Variants in ZNF678 observed in about 807,000 individuals in gnomAD.
ZNF678 encodes the protein hypothetical protein MGC42493.
In ZNF678, 5 loss-of-function variants were observed where a neutral mutation model predicts 3.0. The ratio of observed to expected loss-of-function variants is 1.69; its 90% CI spans 0.88 to 3.56. The LOEUF is 3.56. Ranked by LOEUF, ZNF678 falls within the 30% of genes most tolerant of loss-of-function variation. The pLI is 0.00. For missense variants in ZNF678, 593 were observed against 605.0 expected (o/e 0.98, Z 0.21); for synonymous variants, 218 against 199.6 (o/e 1.09, Z -0.78).
At chr1:227,646,241 T>C (rs1419900837) in intron 1 of ZNF678, among the ~76,000 whole-genome samples, 1 of 152,236 alleles carries the variant, frequency 6.6e-6, no homozygotes, top group African/African-American at 2.4e-5. Context: ...TCTGAGAAAT[T>C]TATCCAGCTT....
intron 1 of ZNF678, among the ~76,000 whole-genome samples, chr1:227,632,658 G>C (rs961245704): frequency 2.6e-5 from 4 of 152,138 alleles, no homozygotes; most frequent in African/African-American, 9.7e-5. Flanking sequence ...TCTTGAGTCT[G>C]GCAGCCACGC....
chr1:227,605,224 T>C (rs994429732), intron 1 of ZNF678, among the ~76,000 whole-genome samples: 1 of 152,204 alleles, frequency 6.6e-6, no homozygotes, highest in African/African-American at 2.4e-5. Flanking sequence ...ATGATATAGT[T>C]TTCTTTGTTG....
intron 1 of ZNF678, among the ~76,000 whole-genome samples, chr1:227,612,207 A>C (rs967597896): frequency 6.6e-6 from 1 of 152,112 alleles, no homozygotes; most frequent in African/African-American, 2.4e-5. Context: ...CAGAAAAAGG[A>C]CCACTCAGTA....
chr1:227,574,628 A>C (rs1171434544), intron 1 of ZNF678, among the ~76,000 whole-genome samples: 1 of 151,840 alleles, frequency 6.6e-6, no homozygotes, highest in South Asian at 2.1e-4. Context: ...TCCTCTGTTG[A>C]TATTTTTCTT....
intron 1 of ZNF678, among the ~76,000 whole-genome samples, chr1:227,572,345 A>G (rs1656868843): frequency 6.6e-6 from 1 of 152,208 alleles, no homozygotes; most frequent in Non-Finnish European, 1.5e-5. Flanking sequence ...GGCTGCCTTC[A>G]TGGTCTCAAA....
chr1:227,662,591 C>T (rs984125372), downstream of ZNF678: 1 of 152,006 alleles, frequency 6.6e-6, no homozygotes, highest in African/African-American at 2.4e-5. Flanking sequence ...AAGAGAAACC[C>T]CAAATAAGTA....
At chr1:227,625,333 TCTAA>T (rs1335846733) in intron 1 of ZNF678, among the ~76,000 whole-genome samples, 1 of 152,090 alleles carries the variant, frequency 6.6e-6, no homozygotes, top group African/African-American at 2.4e-5. Flanking sequence ...CGACGATCGC[TCTAA>T]CTGCTTCCTG....
rs1368335970 is a variant in ZNF678 at position 227,661,141 on chromosome 1, TTG to T, written c.*5315_*5316del. The T allele has an allele frequency of 6.6e-6, 1 of 152,220 alleles. No homozygotes were observed. Among genetic ancestry groups the T allele is most frequent in the Non-Finnish European group, 1.5e-5 (1 of 68,036 alleles). 9.4% of individuals were successfully genotyped at this position (152,220 alleles called of 1,614,324 possible). ...TGAGGCCCAGAAACTTTCAACTGCT[TTG>T]TTCGTTGAATAATGCCAAGTGTCTG... On this transcript the variant is annotated 3_prime_UTR_variant, in exon 4 of 4. Transcript: ENST00000343776.
At chr1:227,669,259 AAC>A (rs1659559442) in intron 5 of ZNF678, among the ~76,000 whole-genome samples, 1 of 152,224 alleles carries the variant, frequency 6.6e-6, no homozygotes. Context: ...AAAAGACATG[AAC>A]AGACACTTTT....
At chr1:227,600,048 G>A (rs1460684243) in intron 1 of ZNF678, among the ~76,000 whole-genome samples, 1 of 151,912 alleles carries the variant, frequency 6.6e-6, no homozygotes, top group Non-Finnish European at 1.5e-5. Flanking sequence ...TTCTCCCTTA[G>A]GGAAATGCAA....
chr1:227,596,164 G>A (rs774365518), intron 1 of ZNF678, among the ~76,000 whole-genome samples: 4 of 152,204 alleles, frequency 2.6e-5, no homozygotes, highest in Non-Finnish European at 5.9e-5. Flanking sequence ...GCTTGGGCTG[G>A]TTGGAGTCCC....
chr1:227,622,612 A>C (rs1341062776), intron 1 of ZNF678, among the ~76,000 whole-genome samples: 1 of 152,202 alleles, frequency 6.6e-6, no homozygotes, highest in East Asian at 1.9e-4. Context: ...TATGGTAGTG[A>C]GACTTGGGTG....
intron 1 of ZNF678, among the ~76,000 whole-genome samples, chr1:227,609,956 A>G (rs536933229): frequency 4.5e-4 from 68 of 152,208 alleles, no homozygotes; most frequent in Admixed American, 1.7e-3. Context: ...GATGGTCTCG[A>G]TTTCCTGACC....
rs1056594242 is a variant in ZNF678, at chr1:227,590,854, C to T, written c.-164+27130C>T. 4.0e-5 allele frequency among the ~76,000 whole-genome samples: 6 copies of T among 151,668 alleles called. 1 individual carries two copies. The highest frequency in any genetic ancestry group is 1.5e-4 in the African/African-American group (6 of 41,134). ...GTTTGAACTCCACCATGTGGTCTTC[C>T]TACAGGAAGGGTGAACTCCTTCCCC... is the stretch of plus-strand genomic sequence containing the variant. On this transcript the variant is annotated intron_variant, in intron 1 of 3. Coordinates refer to ENST00000343776, the MANE Select transcript of ZNF678 (RefSeq NM_001367909.1).
intron 1 of ZNF678, among the ~76,000 whole-genome samples, chr1:227,645,173 A>G (rs1001587750): frequency 3.3e-5 from 5 of 152,190 alleles, no homozygotes; most frequent in African/African-American, 7.2e-5. Context: ...CTGCATTTCA[A>G]GGTCCTTCTG....
In ZNF678 at chr1:227,591,212, C is replaced by T. The variant is rs531135547; in HGVS notation, c.-164+27488C>T. Among the ~76,000 whole-genome samples the T allele has an allele frequency of 2.4e-4, 36 of 151,874 alleles. No homozygotes were observed. In the East Asian group the frequency reaches 7.0e-3, roughly 29 times the overall value. Reference sequence around the variant, plus strand: ...ACTTTTTCTCAAACCACGATATTTACTTGAAGATCCAGTCCAGCTCTATCA... The same window carrying T: ...ACTTTTTCTCAAACCACGATATTTATTTGAAGATCCAGTCCAGCTCTATCA... On this transcript the variant is annotated intron_variant, in intron 1 of 3. Transcript: ENST00000343776.
intron 1 of ZNF678, among the ~76,000 whole-genome samples, chr1:227,582,760 C>G (rs1021475584): frequency 2.0e-5 from 3 of 151,948 alleles, no homozygotes; most frequent in African/African-American, 7.3e-5. Context: ...TGTGTGTGGC[C>G]TGAGATAAGA....
At chr1:227,627,864 A>T (rs1408845558) in intron 1 of ZNF678, among the ~76,000 whole-genome samples, 1 of 152,222 alleles carries the variant, frequency 6.6e-6, no homozygotes, top group African/African-American at 2.4e-5. Flanking sequence ...AGTTGAGCTC[A>T]GGATCCGTCA....
chr1:227,639,648 A>G (rs1394527260), intron 1 of ZNF678, among the ~76,000 whole-genome samples: 2 of 152,256 alleles, frequency 1.3e-5, no homozygotes, highest in Middle Eastern at 3.4e-3. Flanking sequence ...ACACACAATC[A>G]TGTGGTCTCA....
Sources: gnomAD v4.1 joint callset for allele counts (sites outside exome capture counted in the v4.1 genomes callset) on GRCh38, gnomAD v4.1.1 for gene constraint, MANE v1.5 for transcripts, NCBI Gene and HGNC (gene_info 2026-07-23, HGNC 2026-07-21) for gene names.